The following RALGAPA2 variants were observed in gnomAD, a reference collection of about 807,000 sequenced individuals.
RALGAPA2 encodes the protein ral GTPase-activating protein subunit alpha-2.
Under a neutral mutation model 230.4 loss-of-function variants are expected in RALGAPA2, and 139 were observed. The observed-to-expected ratio is 0.60, with a 90% CI of 0.53 to 0.69. The LOEUF is 0.69. Among genes scored for constraint, RALGAPA2 ranks in the 30% least tolerant of loss-of-function variants. The probability of loss-of-function intolerance (pLI) is 0.00; values close to 1 mark genes in which losing one functional copy is unlikely to be tolerated. For synonymous variants in RALGAPA2, 847 were observed against 837.8 expected, an observed-to-expected ratio of 1.01 and a Z score of -0.19; for missense variants, 2,163 against 2,276.0, an observed-to-expected ratio of 0.95 and a Z score of 1.01.
chr20:20,424,899 C>T (rs907967822), intron 37 of RALGAPA2, among the ~76,000 whole-genome samples: 1 of 151,670 alleles, frequency 6.6e-6, no homozygotes, highest in African/African-American at 2.4e-5. Flanking sequence ...GAGCAACACA[C>T]ATGAATTGTA....
intron 3 of RALGAPA2, among the ~76,000 whole-genome samples, chr20:20,663,080 A>G (rs2067837211): frequency 6.6e-6 from 1 of 152,172 alleles, no homozygotes; most frequent in African/African-American, 2.4e-5. Context: ...GGCAATGAGA[A>G]TCGAAATTAC....
At chr20:20,396,649 C>T (rs1292903904) in intron 39 of RALGAPA2, 46 bp downstream of exon 39, 38 of 1,552,348 alleles carry the variant, frequency 2.4e-5, no homozygotes, top group Middle Eastern at 1.7e-4. Context: ...CCACCCCCTC[C>T]CCAAAGCAGG....
At chr20:20,626,617 C>T (rs1310904791) in intron 10 of RALGAPA2, among the ~76,000 whole-genome samples, 3 of 152,146 alleles carry the variant, frequency 2.0e-5, no homozygotes, top group Non-Finnish European at 4.4e-5. Flanking sequence ...TTAACAATTA[C>T]ACAATAAAGG....
At chr20:20,439,644 C>A (rs2060693162) in intron 37 of RALGAPA2, among the ~76,000 whole-genome samples, 1 of 152,136 alleles carries the variant, frequency 6.6e-6, no homozygotes, top group Non-Finnish European at 1.5e-5. Context: ...ATGGGATTAT[C>A]CAGTGAAAAG....
intron 14 of RALGAPA2, among the ~76,000 whole-genome samples, chr20:20,606,927 A>G (rs748981713): frequency 4.8e-4 from 73 of 152,228 alleles, no homozygotes; most frequent in Non-Finnish European, 9.8e-4. Flanking sequence ...AAGTGCCTCT[A>G]CATAGCCAAG....
chr20:20,512,586 C>A lies in RALGAPA2; in HGVS notation c.4783G>T (p.Val1595Leu), dbSNP rs368793860. 5 of 1,613,774 alleles carry A rather than the reference C, an allele frequency of 3.1e-6. No individual in the cohort carries two copies. In the African/African-American group the frequency reaches 4.0e-5, roughly 13 times the overall value. ...KVTSQGQPSP[V>L]EPRGPFYFCR... ...AAATAAAAGGGTCCTCGGGGCTCCA[C>A]TGGGGAGGGCTGCCCTTGGCTGGTG... The change falls in exon 32 of 40, where the codon GTG becomes TTG. Residue 1595 changes from valine to leucine, a missense_variant. Physicochemically the swap from Val to Leu is conservative, Grantham distance 32 (BLOSUM62 1). Coordinates refer to ENST00000202677, the MANE Select transcript of RALGAPA2 (RefSeq NM_020343.4).
Position 20,640,754 on chromosome 20 carries a change from C to A in RALGAPA2, c.497G>T (p.Arg166Met), listed in dbSNP as rs2067004332. 1 of 1,613,852 alleles carries A rather than the reference C, an allele frequency of 6.2e-7. No homozygotes were observed. ...VPGFPAVMSS[R>M]GPCTLETLIN... The stretch of plus-strand genomic sequence containing the variant: ...GAGTGTCTCCAGTGTGCAAGGGCCC[C>A]TGGATGACATGACTGCTGGGAAACC... The change falls in exon 6 of 40, where the codon AGG becomes ATG. Residue 166 changes from arginine (R) to methionine (M), a missense_variant. Transcript: ENST00000202677.
intron 23 of RALGAPA2, among the ~76,000 whole-genome samples, chr20:20,555,801 A>AGT (rs1195189754): frequency 3.3e-5 from 5 of 151,958 alleles, no homozygotes; most frequent in Non-Finnish European, 7.4e-5. Flanking sequence ...TTCTTTTTTA[A>AGT]GTGTGTGTGT....
At chr20:20,443,424 T>G (rs1384196418) in intron 37 of RALGAPA2, among the ~76,000 whole-genome samples, 3 of 152,208 alleles carry the variant, frequency 2.0e-5, no homozygotes, top group African/African-American at 7.2e-5. Flanking sequence ...TATGAAACGA[T>G]GTCTCCAGGT....
chr20:20,676,269 C>T lies in RALGAPA2; in HGVS notation c.237G>A (p.Arg79=), dbSNP rs1310295010. The T allele has an allele frequency of 2.6e-6, 4 of 1,568,046 alleles. No individual in the cohort carries two copies. The African/African-American group carries it at 5.4e-5, about 21-fold the overall frequency. The change falls in exon 3 of 40, where the codon AGG becomes AGA. Residue 79 remains arginine, a synonymous_variant. Transcript: ENST00000202677. ...LKLKGNNKSQ[R]EELDSILFLF... The stretch of plus-strand genomic sequence containing the variant: ...GGAAGAGGATGGAGTCCAGCTCCTC[C>T]CTTTGTGACTTATTATTCCCTGGAA...
Position 20,505,542 on chromosome 20 carries a change from T to G in RALGAPA2, c.4929-8A>C, listed in dbSNP as rs534707705. Reference sequence around the variant, plus strand: ...ATTTTGTGTGTCTCACGGCTATAAATTTTTAAATTTAAAGGAGTTAGAATT... The same window carrying G: ...ATTTTGTGTGTCTCACGGCTATAAAGTTTTAAATTTAAAGGAGTTAGAATT... On this transcript the variant is annotated splice_polypyrimidine_tract_variant and splice_region_variant and intron_variant, in intron 33 of 39. Coordinates refer to ENST00000202677, the MANE Select transcript of RALGAPA2 (RefSeq NM_020343.4). The G allele has an allele frequency of 1.3e-6, 2 of 1,554,804 alleles. No individual in the cohort carries two copies. Among genetic ancestry groups the G allele is most frequent in the East Asian group, 4.6e-5 (2 of 43,352 alleles).
intron 1 of RALGAPA2, among the ~76,000 whole-genome samples, chr20:20,703,619 T>C (rs1450011906): frequency 1.3e-5 from 2 of 152,184 alleles, no homozygotes; most frequent in Admixed American, 6.5e-5. Flanking sequence ...TGAGAAGACA[T>C]TTTGCAAAAG....
At chr20:20,438,744 T>C (rs1232591055) in intron 37 of RALGAPA2, among the ~76,000 whole-genome samples, 1 of 152,236 alleles carries the variant, frequency 6.6e-6, no homozygotes, top group African/African-American at 2.4e-5. Context: ...AAATGGAGTT[T>C]CAAGCTATCA....
chr20:20,455,893 G>A (rs2061104964), intron 37 of RALGAPA2, among the ~76,000 whole-genome samples: 1 of 152,210 alleles, frequency 6.6e-6, no homozygotes, highest in Admixed American at 6.5e-5. Flanking sequence ...ATACAATTAT[G>A]AGGTACATCA....
intron 31 of RALGAPA2, among the ~76,000 whole-genome samples, chr20:20,517,561 A>G (rs2062909855): frequency 6.6e-6 from 1 of 152,326 alleles, no homozygotes; most frequent in Admixed American, 6.5e-5. Context: ...AACAAATAAA[A>G]AAGTGCCTAA....
At chr20:20,446,790 G>C (rs1269146168) in intron 37 of RALGAPA2, among the ~76,000 whole-genome samples, 4 of 152,212 alleles carry the variant, frequency 2.6e-5, no homozygotes, top group Admixed American at 2.0e-4. Context: ...CTGAGGCTGT[G>C]ACAGGGTGAG....
intron 1 of RALGAPA2, among the ~76,000 whole-genome samples, chr20:20,687,314 T>C (rs1013406778): frequency 2.6e-5 from 4 of 152,226 alleles, no homozygotes; most frequent in African/African-American, 9.6e-5. Flanking sequence ...TACTTACTTA[T>C]AGGCTAATAT....
chr20:20,505,703 T>C (rs1243380196), intron 33 of RALGAPA2, among the ~76,000 whole-genome samples, 169 bp from the exon 34 acceptor site: 1 of 152,214 alleles, frequency 6.6e-6, no homozygotes, highest in Non-Finnish European at 1.5e-5. Flanking sequence ...CATTTATTCT[T>C]CAAAACCATG....
At chr20:20,583,312 C>G in intron 19 of RALGAPA2, 86 bp from the exon 20 acceptor site, 2 of 1,348,006 alleles carry the variant, frequency 1.5e-6, no homozygotes, top group Non-Finnish European at 2.0e-6. Flanking sequence ...AGTAACTAAA[C>G]AAACAGCAGA....
Sources: allele counts gnomAD v4.1 joint callset (sites outside exome capture counted in the v4.1 genomes callset), GRCh38; gene constraint gnomAD v4.1.1; transcripts MANE v1.5; gene names NCBI Gene and HGNC (gene_info 2026-07-23, HGNC 2026-07-21).